Variants in ARHGAP10 observed in about 807,000 individuals in gnomAD.
ARHGAP10 encodes rho GTPase-activating protein 10.
ARHGAP10 carries 87 observed loss-of-function variants against 108.6 expected under a neutral mutation model. That is an observed-to-expected ratio of 0.80 (90% CI 0.67 to 0.96). The LOEUF (loss-of-function observed/expected upper bound fraction) is 0.96, where lower values mean the gene tolerates loss of function less well. Among genes scored for constraint, ARHGAP10 ranks in the 40% least tolerant of loss-of-function variants. The pLI is 0.00. For missense variants in ARHGAP10, 939 were observed against 954.5 expected (o/e 0.98, Z 0.21); for synonymous variants, 347 against 341.1 (o/e 1.02, Z -0.19).
intron 3 of ARHGAP10, among the ~76,000 whole-genome samples, chr4:147,830,703 A>G (rs912689744): frequency 3.9e-5 from 6 of 152,036 alleles, no homozygotes; most frequent in Non-Finnish European, 7.4e-5. Context: ...TATTTTTAGT[A>G]GAGACGGGGT....
intron 1 of ARHGAP10, among the ~76,000 whole-genome samples, chr4:147,786,542 G>A (rs769993691): frequency 2.6e-5 from 4 of 152,136 alleles, no homozygotes; most frequent in Non-Finnish European, 4.4e-5. Context: ...GAGCAAAAGG[G>A]GGGAAAATTC....
chr4:147,754,132 C>A (rs945026005), intron 1 of ARHGAP10, among the ~76,000 whole-genome samples: 3 of 152,120 alleles, frequency 2.0e-5, no homozygotes, highest in African/African-American at 7.2e-5. Context: ...GAGTCAGTAC[C>A]CATCTGGCTC....
chr4:148,046,019 C>G (rs1728865797), intron 19 of ARHGAP10, among the ~76,000 whole-genome samples: 1 of 152,168 alleles, frequency 6.6e-6, no homozygotes, highest in African/African-American at 2.4e-5. Context: ...TTGCCTGGAG[C>G]AGTTAAAATT....
chr4:147,826,999 T>G (rs1457696791), intron 3 of ARHGAP10, among the ~76,000 whole-genome samples: 1 of 152,148 alleles, frequency 6.6e-6, no homozygotes, highest in Admixed American at 6.5e-5. Context: ...CCCCATCCGC[T>G]TTTTTTCTCC....
chr4:147,881,492 T>G (rs28614116), intron 9 of ARHGAP10, among the ~76,000 whole-genome samples: 31,019 of 151,628 alleles, frequency 0.2, 5,298 homozygotes, highest in African/African-American at 0.47. Flanking sequence ...ACAAAAATCA[T>G]CCAGGTGTGG....
intron 4 of ARHGAP10, among the ~76,000 whole-genome samples, chr4:147,848,798 C>T (rs1290146047): frequency 6.6e-6 from 1 of 152,130 alleles, no homozygotes; most frequent in African/African-American, 2.4e-5. Flanking sequence ...GACTCATTTT[C>T]CCCCCTAAAC....
At chr4:147,942,654 A>G (rs1267684349) in intron 14 of ARHGAP10, among the ~76,000 whole-genome samples, 3 of 151,984 alleles carry the variant, frequency 2.0e-5, no homozygotes, top group East Asian at 1.9e-4. Context: ...CTTCTCCCCT[A>G]ATTCCCAGCT....
intron 3 of ARHGAP10, among the ~76,000 whole-genome samples, chr4:147,840,896 A>G (rs916997166): frequency 2.4e-4 from 37 of 152,248 alleles, no homozygotes; most frequent in African/African-American, 8.4e-4. Context: ...TTTTAAAAAT[A>G]CAAGATAAGC....
At chr4:147,912,553 ATATATATATATATAT>A (rs1736793507) in intron 12 of ARHGAP10, among the ~76,000 whole-genome samples, 1 of 256 alleles carries the variant, frequency 3.9e-3, no homozygotes, top group African/African-American at 5.0e-3. Context: ...AAACAAATAT[ATATATATATATATAT>A]ATATATATAT....
At chr4:147,873,344 G>A (rs1414238914) in intron 7 of ARHGAP10, among the ~76,000 whole-genome samples, 1 of 152,006 alleles carries the variant, frequency 6.6e-6, no homozygotes, top group Non-Finnish European at 1.5e-5. Flanking sequence ...AGCATTATTG[G>A]CTTAAATAGA....
At chr4:147,897,068 A>T (rs1736022029) in intron 10 of ARHGAP10, among the ~76,000 whole-genome samples, 1 of 152,022 alleles carries the variant, frequency 6.6e-6, no homozygotes. Flanking sequence ...CTCTACCTCT[A>T]ACAGTAATAT....
intron 4 of ARHGAP10, among the ~76,000 whole-genome samples, chr4:147,852,948 G>C (rs1467108216): frequency 6.6e-6 from 1 of 151,868 alleles, no homozygotes. Context: ...TCAAACTCCT[G>C]ACCTCAACAT....
At chr4:147,777,887 C>T (rs1364596727) in intron 1 of ARHGAP10, among the ~76,000 whole-genome samples, 1 of 152,100 alleles carries the variant, frequency 6.6e-6, no homozygotes, top group African/African-American at 2.4e-5. Flanking sequence ...GACACTCTTT[C>T]CTATAGATGG....
At chr4:147,844,324 C>T (rs1733547359) in intron 3 of ARHGAP10, among the ~76,000 whole-genome samples, 1 of 152,096 alleles carries the variant, frequency 6.6e-6, no homozygotes, top group African/African-American at 2.4e-5. Context: ...AAGCATTTAT[C>T]CTTTGTGTTA....
intron 18 of ARHGAP10, among the ~76,000 whole-genome samples, chr4:147,998,491 T>C (rs750225177): frequency 7.9e-5 from 12 of 152,252 alleles, no homozygotes; most frequent in Non-Finnish European, 1.6e-4. Context: ...ATTCTTTTTG[T>C]GACGTCAGCA....
intron 1 of ARHGAP10, among the ~76,000 whole-genome samples, chr4:147,784,950 TTA>T (rs1428429176): frequency 7.6e-6 from 1 of 132,204 alleles, no homozygotes. Flanking sequence ...ATAAAACATG[TTA>T]TAAAATATAT....
At chr4:147,879,407 A>G (rs1735234956) in intron 9 of ARHGAP10, 69 bp downstream of exon 9, 1 of 1,330,722 alleles carries the variant, frequency 7.5e-7, no homozygotes, top group Non-Finnish European at 1.0e-6. Flanking sequence ...TGTCATTTTA[A>G]TGGTTTATAT....
intron 1 of ARHGAP10, among the ~76,000 whole-genome samples, chr4:147,778,085 T>C (rs1404911834): frequency 6.6e-6 from 1 of 152,142 alleles, no homozygotes; most frequent in Non-Finnish European, 1.5e-5. Flanking sequence ...ATGTAAAAAC[T>C]ACATGGGTTT....
chr4:147,879,273 A>G lies in ARHGAP10; in HGVS notation c.874A>G (p.Met292Val), dbSNP rs375034312. Residue 292 changes from methionine (M) to valine (V), a missense_variant, in exon 9 of 23, where the codon ATG becomes GTG. Transcript: ENST00000336498. ...TTCCAGTTGGGTCAAACACTATTGC[A>G]TGTATCGAAAAGCAGCAAAGAAGTT... is the stretch of plus-strand genomic sequence containing the variant. ...FGSSWVKHYCMYRKAAKKFNM... is the reference protein window; with the variant it reads ...FGSSWVKHYCVYRKAAKKFNM... 1.5e-5 allele frequency: 24 copies of G among 1,613,994 alleles called. No individual in the cohort carries two copies. The highest frequency in any genetic ancestry group is 1.6e-4 in the Middle Eastern group (1 of 6,084).
Sources: gnomAD v4.1 joint callset for allele counts (sites outside exome capture counted in the v4.1 genomes callset) on GRCh38, gnomAD v4.1.1 for gene constraint, MANE v1.5 for transcripts, NCBI Gene and HGNC (gene_info 2026-07-23, HGNC 2026-07-21) for gene names.